KLC1: variants seen among roughly 807,000 people sequenced by gnomAD.
KLC1 encodes kinesin 2 60/70kDa.
KLC1 carries 30 observed loss-of-function variants against 84.2 expected under a neutral mutation model. That is an observed-to-expected ratio of 0.36 (90% CI 0.27 to 0.48). The LOEUF (loss-of-function observed/expected upper bound fraction) is 0.48, where lower values mean the gene tolerates loss of function less well. Ranked by LOEUF, KLC1 falls within the 20% of genes least tolerant of loss-of-function variation. The pLI is 0.99. For missense variants in KLC1, 499 were observed against 805.4 expected (o/e 0.62, Z 4.60); for synonymous variants, 289 against 293.3 (o/e 0.99, Z 0.15).
chr14:103,698,727 A>G, intron 15 of KLC1: 1 of 1,378,622 alleles, frequency 7.3e-7, no homozygotes, highest in Non-Finnish European at 1.0e-6. Flanking sequence ...GCCCAGGCAG[A>G]CGCGTTTTAA....
In KLC1 at chr14:103,693,709, C is replaced by T. The variant is rs867178257; in HGVS notation, c.1848+1284C>T. 2 of 1,495,318 alleles carry T rather than the reference C, an allele frequency of 1.3e-6. No individual in the cohort carries two copies. Among genetic ancestry groups the T allele is most frequent in the Non-Finnish European group, 1.8e-6 (2 of 1,126,098 alleles). The allele number at this position is 1,495,318 out of a possible 1,614,324, so 92.6% of individuals were successfully genotyped here. A position where few individuals can be genotyped will look rare whatever the true frequency, so the allele number is the denominator to read the frequency against. ...CCGCCCTGCCCGGAGGCGCCAGCCGCACTCCTTGGCTTCCTTTCCTAGATA... is the reference window on the plus strand; with the variant it reads ...CCGCCCTGCCCGGAGGCGCCAGCCGTACTCCTTGGCTTCCTTTCCTAGATA... On this transcript the variant is annotated intron_variant, in intron 15 of 16. Transcript: ENST00000334553. This position sits in a 1 kb window ranked among gnomAD's most constrained non-coding sequence, Gnocchi z 5.1.
chr14:103,673,698 T>C (rs188770412), intron 9 of KLC1, among the ~76,000 whole-genome samples: 19 of 152,022 alleles, frequency 1.2e-4, no homozygotes, highest in African/African-American at 4.6e-4. Flanking sequence ...CCGAGGTGGG[T>C]GGATCACGAG....
In KLC1 at chr14:103,693,772, A is replaced by C. The variant is rs1595582285; in HGVS notation, c.1848+1347A>C. 1 of 1,420,780 alleles carries C rather than the reference A, an allele frequency of 7.0e-7. No individual in the cohort carries two copies. The highest frequency in any genetic ancestry group is 9.2e-7 in the Non-Finnish European group (1 of 1,091,150). 88.0% of individuals were successfully genotyped at this position (1,420,780 alleles called of 1,614,324 possible). On this transcript the variant is annotated intron_variant, in intron 15 of 16. Coordinates refer to ENST00000334553, the MANE Select transcript of KLC1 (RefSeq NM_001394837.1). This position sits in a 1 kb window ranked among gnomAD's most constrained non-coding sequence, Gnocchi z 5.1. Reference sequence around the variant, plus strand: ...AACCTTGGAGGTGCCTTTTCAAAACACCCGGGAGGCCGTGCCTCAGCATTC... The same window carrying C: ...AACCTTGGAGGTGCCTTTTCAAAACCCCCGGGAGGCCGTGCCTCAGCATTC...
Position 103,690,791 on chromosome 14 carries a change from ATTAT to A in KLC1, c.1782-1563_1782-1560del, listed in dbSNP as rs1028245084. 1.3e-3 allele frequency among the ~76,000 whole-genome samples: 196 copies of A among 152,336 alleles called. 2 individuals are homozygous for A. Among genetic ancestry groups the A allele is most frequent in the African/African-American group, 4.3e-3 (177 of 41,572 alleles). On this transcript the variant is annotated intron_variant, in intron 14 of 16. Coordinates refer to ENST00000334553, the MANE Select transcript of KLC1 (RefSeq NM_001394837.1). ...TGACTGTCCATCATTTAAGTTATAG[ATTAT>A]TTATAGGCTGTTTCATCAAGTATTT...
At chr14:103,658,966 C>A (rs2079051203) in intron 3 of KLC1, among the ~76,000 whole-genome samples, 1 of 145,274 alleles carries the variant, frequency 6.9e-6, no homozygotes, top group Non-Finnish European at 1.5e-5. Flanking sequence ...CAGTTAACTT[C>A]TTTTTATTTT....
chr14:103,692,808 A>C (rs1186776910), intron 15 of KLC1, among the ~76,000 whole-genome samples: 1 of 152,234 alleles, frequency 6.6e-6, no homozygotes, highest in Non-Finnish European at 1.5e-5. Flanking sequence ...TGTCTACTTA[A>C]GCTGTTGTTC....
At chr14:103,648,223 A>G (rs1396628073) in intron 1 of KLC1, among the ~76,000 whole-genome samples, 1 of 152,178 alleles carries the variant, frequency 6.6e-6, no homozygotes. Flanking sequence ...TGCTGGGATT[A>G]CAGGCGTGAG....
chr14:103,636,285 G>C (rs1314624277), intron 1 of KLC1, among the ~76,000 whole-genome samples: 2 of 151,890 alleles, frequency 1.3e-5, no homozygotes, highest in Non-Finnish European at 1.5e-5. Context: ...GCAGTGGCAC[G>C]ATCTCAGCTC....
chr14:103,658,268 C>T lies in KLC1; in HGVS notation c.492+492C>T, dbSNP rs117605896. On this transcript the variant is annotated intron_variant, in intron 3 of 16. Coordinates refer to ENST00000334553, the MANE Select transcript of KLC1 (RefSeq NM_001394837.1). The stretch of plus-strand genomic sequence containing the variant: ...AAGAAACGATCTTGGTTTTCTTCTT[C>T]TTCTTTTTTTTACAAGGAGTCTCGC... 9.5e-4 allele frequency among the ~76,000 whole-genome samples: 144 copies of T among 152,128 alleles called. 3 individuals are homozygous for T. The East Asian group carries it at 0.02, about 21-fold the overall frequency.
At position 103,632,373 on chromosome 14, in the gene KLC1, C is replaced by T. The variant is rs543277745; in HGVS notation, c.-2+2879C>T. Among the ~76,000 whole-genome samples, 5 of 151,942 alleles carry T rather than the reference C, an allele frequency of 3.3e-5. No individual in the cohort carries two copies. The East Asian group carries it at 7.7e-4, about 24-fold the overall frequency. The stretch of plus-strand genomic sequence containing the variant: ...CCGGGAAGTGGAGGTTGTAGTGAGC[C>T]GAGATCACGTCACTGCAGTCCAGCC... On this transcript the variant is annotated intron_variant, in intron 1 of 16. Transcript: ENST00000334553.
At chr14:103,647,889 A>G (rs892160982) in intron 1 of KLC1, among the ~76,000 whole-genome samples, 6 of 151,544 alleles carry the variant, frequency 4.0e-5, no homozygotes. Context: ...AAAAAAAAAA[A>G]GAATAGCATT....
chr14:103,685,292 C>T, intron 13 of KLC1: 1 of 1,340,988 alleles, frequency 7.5e-7, no homozygotes, highest in Non-Finnish European at 9.6e-7. Context: ...CTATGTTTTT[C>T]ATTGCATAAT....
At chr14:103,633,930 A>G (rs763773323) in intron 1 of KLC1, among the ~76,000 whole-genome samples, 1 of 152,078 alleles carries the variant, frequency 6.6e-6, no homozygotes, top group Non-Finnish European at 1.5e-5. Context: ...GTGCAGTGGC[A>G]TGATCTCAGC....
In KLC1 at chr14:103,638,633, T is replaced by C. The variant is rs147517352; in HGVS notation, c.-2+9139T>C. 5.9e-4 allele frequency among the ~76,000 whole-genome samples: 90 copies of C among 151,290 alleles called. No individual in the cohort carries two copies. In the East Asian group the frequency reaches 0.016, roughly 27 times the overall value. ...CCAAAGATGATGCCCTTTGCTTCTC[T>C]GGCCTTTGCTTTCATTTCATTAATT... On this transcript the variant is annotated intron_variant, in intron 1 of 16. Transcript: ENST00000334553.
chr14:103,693,796 T>G lies in KLC1; in HGVS notation c.1848+1371T>G. ...CACCCGGGAGGCCGTGCCTCAGCAT[T>G]CTGTTACTCGGCCTGCAGCCCCAGT... On this transcript the variant is annotated intron_variant, in intron 15 of 16. Transcript: ENST00000334553. This position sits in a 1 kb window ranked among gnomAD's most constrained non-coding sequence, Gnocchi z 5.1. The G allele has an allele frequency of 7.1e-7, 1 of 1,410,996 alleles. No homozygotes were observed. The highest frequency in any genetic ancestry group is 9.2e-7 in the Non-Finnish European group (1 of 1,086,104). 87.4% of individuals were successfully genotyped at this position (1,410,996 alleles called of 1,614,324 possible). A position where few individuals can be genotyped will look rare whatever the true frequency, so the allele number is the denominator to read the frequency against.
intron 1 of KLC1, among the ~76,000 whole-genome samples, chr14:103,640,368 C>CT (rs58603663): frequency 0.053 from 7,914 of 149,320 alleles, 234 homozygotes; most frequent in South Asian, 0.094. Context: ...CCTGTGAATT[C>CT]TTTTTTTTTT....
chr14:103,668,147 G>T (rs1399009998), intron 5 of KLC1, among the ~76,000 whole-genome samples: 4 of 152,228 alleles, frequency 2.6e-5, no homozygotes, highest in African/African-American at 7.2e-5. Flanking sequence ...AGATGGGAAG[G>T]CTGGGACTGC....
intron 7 of KLC1, among the ~76,000 whole-genome samples, chr14:103,670,576 C>T (rs1275555318): frequency 6.6e-6 from 1 of 151,340 alleles, no homozygotes; most frequent in Non-Finnish European, 1.5e-5. Context: ...ACCTCCTGAT[C>T]CGCCCGCCTT....
intron 13 of KLC1, chr14:103,686,227 C>T (rs1005100985): frequency 1.0e-4 from 102 of 986,268 alleles, no homozygotes; most frequent in Non-Finnish European, 1.2e-4. Context: ...TCCGACTGAC[C>T]TGTGTCTTGG....
Sources: allele counts gnomAD v4.1 joint callset (sites outside exome capture counted in the v4.1 genomes callset), GRCh38; gene constraint gnomAD v4.1.1; non-coding constraint Gnocchi (gnomAD v3.1); transcripts MANE v1.5; gene names NCBI Gene and HGNC (gene_info 2026-07-23, HGNC 2026-07-21).